The following SPOCK3 variants were observed in gnomAD, a reference collection of about 807,000 sequenced individuals.
SPOCK3 encodes testican-3.
In SPOCK3, 30 loss-of-function variants were observed where a neutral mutation model predicts 56.6. That is an observed-to-expected ratio of 0.53 (90% CI 0.40 to 0.72). SPOCK3 has a LOEUF of 0.72. SPOCK3 is among the 30% of genes least tolerant of loss of function. SPOCK3 has a pLI of 0.00. For missense variants in SPOCK3, 527 were observed against 530.0 expected (o/e 0.99, Z 0.06); for synonymous variants, 196 against 183.3 (o/e 1.07, Z -0.56).
At chr4:167,032,653 C>A (rs1022167704) in intron 3 of SPOCK3, among the ~76,000 whole-genome samples, 1 of 151,404 alleles carries the variant, frequency 6.6e-6, no homozygotes, top group Non-Finnish European at 1.5e-5. Context: ...ACTAAAATAC[C>A]CGAGCTTTAT....
At chr4:166,937,850 GC>G (rs1740612592) in intron 4 of SPOCK3, among the ~76,000 whole-genome samples, 1 of 147,710 alleles carries the variant, frequency 6.8e-6, no homozygotes, top group Non-Finnish European at 1.5e-5. Context: ...TGAAAGCTCC[GC>G]CTCCCGGGTT....
intron 3 of SPOCK3, among the ~76,000 whole-genome samples, chr4:167,003,560 A>G (rs115598965): frequency 0.012 from 1,887 of 152,288 alleles, 19 homozygotes; most frequent in Non-Finnish European, 0.019. Flanking sequence ...GACCTGGCAT[A>G]AATTCATCAT....
chr4:166,764,112 G>A (rs1737623887), intron 7 of SPOCK3, among the ~76,000 whole-genome samples: 1 of 151,948 alleles, frequency 6.6e-6, no homozygotes, highest in Non-Finnish European at 1.5e-5. Flanking sequence ...TAGGCTTGTG[G>A]TCACTTTCCT....
intron 4 of SPOCK3, among the ~76,000 whole-genome samples, chr4:166,942,447 G>C (rs1462076504): frequency 6.9e-6 from 1 of 145,316 alleles, no homozygotes; most frequent in Non-Finnish European, 1.5e-5. Context: ...CTGACCTTGT[G>C]ATCTACCTGC....
chr4:166,954,871 T>C (rs914183628), intron 4 of SPOCK3, among the ~76,000 whole-genome samples: 25 of 152,200 alleles, frequency 1.6e-4, no homozygotes, highest in African/African-American at 5.5e-4. Flanking sequence ...TCTGTAGATA[T>C]GCCCTTCCTG....
chr4:167,224,443 A>T (rs1316759291), intron 2 of SPOCK3, among the ~76,000 whole-genome samples: 2 of 152,174 alleles, frequency 1.3e-5, no homozygotes, highest in African/African-American at 4.8e-5. Context: ...CATATAGTTC[A>T]TTCTAAATCC....
chr4:167,103,933 G>GT (rs1225399867), intron 2 of SPOCK3, among the ~76,000 whole-genome samples: 3 of 152,138 alleles, frequency 2.0e-5, no homozygotes, highest in Non-Finnish European at 4.4e-5. Context: ...AAGAGAACAA[G>GT]TATCTTTGCC....
chr4:167,124,518 G>T (rs937388232), intron 2 of SPOCK3, among the ~76,000 whole-genome samples: 1 of 152,088 alleles, frequency 6.6e-6, no homozygotes, highest in Non-Finnish European at 1.5e-5. Flanking sequence ...AATCTTTGAT[G>T]CCCTTTTCTC....
chr4:166,810,593 T>C (rs997545824), intron 6 of SPOCK3, among the ~76,000 whole-genome samples: 1 of 152,014 alleles, frequency 6.6e-6, no homozygotes, highest in Non-Finnish European at 1.5e-5. Flanking sequence ...TTTTCAGTGT[T>C]ATAAACAAAA....
chr4:166,854,266 T>C (rs150210069), intron 6 of SPOCK3, among the ~76,000 whole-genome samples: 3 of 152,336 alleles, frequency 2.0e-5, no homozygotes, highest in South Asian at 2.1e-4. Flanking sequence ...GATTCTGATA[T>C]TCATTTTGTT....
At chr4:167,172,208 A>G (rs1258554527) in intron 2 of SPOCK3, among the ~76,000 whole-genome samples, 1 of 152,168 alleles carries the variant, frequency 6.6e-6, no homozygotes, top group Non-Finnish European at 1.5e-5. Flanking sequence ...TGCTGTGCCT[A>G]CAAATCCAGT....
intron 10 of SPOCK3, among the ~76,000 whole-genome samples, chr4:166,735,909 T>G: frequency 6.7e-6 from 1 of 149,046 alleles, no homozygotes; most frequent in East Asian, 2.0e-4. Flanking sequence ...AACAGAAAAC[T>G]AATATTTTAC....
intron 7 of SPOCK3, 139 bp from the exon 8 acceptor site, chr4:166,754,868 A>C: frequency 1.4e-6 from 1 of 718,558 alleles, no homozygotes; most frequent in South Asian, 1.9e-5. Context: ...ATTCATCATG[A>C]GTAGTTTGTT....
chr4:167,011,558 G>A (rs896092521), intron 3 of SPOCK3, among the ~76,000 whole-genome samples: 1 of 151,920 alleles, frequency 6.6e-6, no homozygotes. Context: ...TAACCATAAC[G>A]ACAACAAAAA....
At chr4:166,997,229 T>C (rs1017531898) in intron 4 of SPOCK3, among the ~76,000 whole-genome samples, 4 of 152,020 alleles carry the variant, frequency 2.6e-5, no homozygotes, top group African/African-American at 9.7e-5. Flanking sequence ...ACTTAGGCGA[T>C]AGGCTGATAG....
At chr4:167,160,985 C>A (rs1382424166) in intron 2 of SPOCK3, among the ~76,000 whole-genome samples, 2 of 152,098 alleles carry the variant, frequency 1.3e-5, no homozygotes, top group South Asian at 2.1e-4. Flanking sequence ...TAGGCATGGG[C>A]AAGGACTTCA....
chr4:166,853,367 G>A (rs1730333641), intron 6 of SPOCK3, among the ~76,000 whole-genome samples: 1 of 152,108 alleles, frequency 6.6e-6, no homozygotes, highest in Non-Finnish European at 1.5e-5. Flanking sequence ...CATAAAAATG[G>A]AAATATTAAG....
intron 2 of SPOCK3, among the ~76,000 whole-genome samples, chr4:167,182,546 C>T (rs1438580914): frequency 1.4e-5 from 2 of 145,414 alleles, no homozygotes; most frequent in Admixed American, 6.9e-5. Context: ...TTTTCATGTT[C>T]TTTTTTTTTT....
At chr4:167,228,774 T>C (rs1268579837) in intron 2 of SPOCK3, among the ~76,000 whole-genome samples, 1 of 152,102 alleles carries the variant, frequency 6.6e-6, no homozygotes, top group East Asian at 1.9e-4. Flanking sequence ...CCCAGAATCA[T>C]CAAAGATTGC....
Sources: gnomAD v4.1 joint callset for allele counts (sites outside exome capture counted in the v4.1 genomes callset) on GRCh38, gnomAD v4.1.1 for gene constraint, MANE v1.5 for transcripts, NCBI Gene and HGNC (gene_info 2026-07-23, HGNC 2026-07-21) for gene names.